Variants in DNAH8 observed in about 807,000 individuals in gnomAD.
The protein encoded by DNAH8 is dynein axonemal heavy chain 8, also known as axonemal beta dynein heavy chain 8.
A neutral mutation model predicts 562.1 loss-of-function variants in DNAH8; 382 were observed. That is an observed-to-expected ratio of 0.68 (90% CI 0.63 to 0.74). DNAH8 has a LOEUF of 0.74. DNAH8 is among the 30% of genes least tolerant of loss of function. The probability of loss-of-function intolerance (pLI) is 0.00; values close to 1 mark genes in which losing one functional copy is unlikely to be tolerated. For synonymous variants in DNAH8, 1,881 were observed against 1,919.4 expected, an observed-to-expected ratio of 0.98 and a Z score of 0.52; for missense variants, 5,203 against 5,620.4, an observed-to-expected ratio of 0.93 and a Z score of 2.37.
intron 66 of DNAH8, among the ~76,000 whole-genome samples, chr6:38,912,976 G>A (rs1231348439): frequency 6.6e-6 from 1 of 151,998 alleles, no homozygotes; most frequent in Non-Finnish European, 1.5e-5. Context: ...TGCCCAGCTT[G>A]TTTTGTATTT....
At position 38,938,101 on chromosome 6, in the gene DNAH8, GT is replaced by G; in HGVS notation, c.11693del (p.Phe3898SerfsTer18). 6.2e-7 allele frequency: 1 copy of G among 1,614,020 alleles called. No homozygotes were observed. Among genetic ancestry groups the G allele is most frequent in the Non-Finnish European group, 8.5e-7 (1 of 1,180,006 alleles). On this transcript the variant is annotated frameshift_variant, in exon 78 of 93. Coordinates refer to ENST00000327475, the MANE Select transcript of DNAH8 (RefSeq NM_001206927.2). LOFTEE classifies it high-confidence loss of function. Reference sequence around the variant, plus strand: ...TCAAGATCAACGCGGCTCAGGAGGAGTTCCGGCCCGCAGCCACCCGCGGAAG... The same window carrying G: ...TCAAGATCAACGCGGCTCAGGAGGAGTCCGGCCCGCAGCCACCCGCGGAAG... The part of the protein sequence containing the change: ...EIKINAAQEE[F>X]RPAATRGSIL...
At chr6:38,805,068 A>G (rs550835368) in intron 22 of DNAH8, among the ~76,000 whole-genome samples, 7 of 152,296 alleles carry the variant, frequency 4.6e-5, no homozygotes, top group Admixed American at 3.3e-4. Flanking sequence ...TCAGCCTAGA[A>G]TGAGTATGCA....
chr6:38,874,054 CTTTCTTTCTTTCTT>C (rs1242373441), intron 52 of DNAH8, among the ~76,000 whole-genome samples: 3,616 of 33,692 alleles, frequency 0.11, 975 homozygotes, highest in South Asian at 0.13. Flanking sequence ...TTCTTTCTTT[CTTTCTTTCTTTCTT>C]TTTCTTTCTT....
chr6:38,909,785 G>A, intron 65 of DNAH8, 41 bp downstream of exon 65: 12 of 1,494,816 alleles, frequency 8.0e-6, no homozygotes, highest in South Asian at 1.1e-5. Flanking sequence ...TGGAACCACA[G>A]CATGTATTCC....
At chr6:38,842,551 C>G in intron 34 of DNAH8, 46 bp downstream of exon 34, 1 of 1,592,148 alleles carries the variant, frequency 6.3e-7, no homozygotes, top group South Asian at 1.2e-5. Context: ...TCTTAGGATC[C>G]TATAGGTATT....
Position 38,790,193 on chromosome 6 carries a change from A to T in DNAH8, c.2665-96A>T, listed in dbSNP as rs1009323963. ...AATAGAGGGAAAATACATGTAAGAA[A>T]ATATAACATATAATATTTGTAGGTG... On this transcript the variant is annotated intron_variant, in intron 19 of 92. Coordinates refer to ENST00000327475, the MANE Select transcript of DNAH8 (RefSeq NM_001206927.2). 3 of 777,992 alleles carry T rather than the reference A, an allele frequency of 3.9e-6. No individual in the cohort carries two copies. The African/African-American group carries it at 5.3e-5, about 14-fold the overall frequency. The allele number at this position is 777,992 out of a possible 1,614,324, so 48.2% of individuals were successfully genotyped here. A position where few individuals can be genotyped will look rare whatever the true frequency, so the allele number is the denominator to read the frequency against.
intron 52 of DNAH8, among the ~76,000 whole-genome samples, chr6:38,873,995 C>G (rs1417676042): frequency 3.3e-5 from 5 of 150,754 alleles, no homozygotes; most frequent in African/African-American, 1.2e-4. Context: ...ATTGTTTTTT[C>G]CCTTTCTTCC....
chr6:38,862,264 G>C lies in DNAH8; in HGVS notation c.6132-16G>C. 1 of 1,606,482 alleles carries C rather than the reference G, an allele frequency of 6.2e-7. No homozygotes were observed. The highest frequency in any genetic ancestry group is 8.5e-7 in the Non-Finnish European group (1 of 1,176,488). On this transcript the variant is annotated splice_polypyrimidine_tract_variant and intron_variant, in intron 43 of 92. Coordinates refer to ENST00000327475, the MANE Select transcript of DNAH8 (RefSeq NM_001206927.2). ...CATCCCATACTCACAATGCTTTATT[G>C]GATGAACATTTGCAGATGCTATATC...
chr6:38,933,460 G>A (rs6458087), intron 76 of DNAH8, among the ~76,000 whole-genome samples: 106,281 of 152,084 alleles, frequency 0.7, 37,744 homozygotes, highest in East Asian at 0.83. Flanking sequence ...GTCTCGGTCT[G>A]TAACAGCACA....
At chr6:38,868,688 T>C (rs1777248528) in intron 48 of DNAH8, among the ~76,000 whole-genome samples, 1 of 151,854 alleles carries the variant, frequency 6.6e-6, no homozygotes, top group East Asian at 1.9e-4. Flanking sequence ...TTTTTTTTTT[T>C]CTTTGAAACA....
intron 36 of DNAH8, among the ~76,000 whole-genome samples, chr6:38,848,031 C>G (rs1199597905): frequency 2.0e-5 from 3 of 152,076 alleles, no homozygotes. Context: ...GAAGAGCACA[C>G]CTGTAAGTGA....
chr6:38,725,917 G>T (rs567930329), intron 3 of DNAH8, among the ~76,000 whole-genome samples: 1 of 152,330 alleles, frequency 6.6e-6, no homozygotes, highest in East Asian at 1.9e-4. Flanking sequence ...GGGTTTGTTT[G>T]TTTAATGGTT....
chr6:38,907,162 C>A (rs1780541669), intron 63 of DNAH8, among the ~76,000 whole-genome samples: 2 of 152,328 alleles, frequency 1.3e-5, no homozygotes, highest in Non-Finnish European at 2.9e-5. Flanking sequence ...GAAAAAGACT[C>A]ATCTTGTGGA....
chr6:39,001,075 T>A (rs765130608), intron 88 of DNAH8, among the ~76,000 whole-genome samples: 7 of 152,186 alleles, frequency 4.6e-5, no homozygotes, highest in South Asian at 4.1e-4. Context: ...AGGTCCAGTA[T>A]GCCTAAAGCA....
chr6:38,766,432 A>T (rs930102038), intron 11 of DNAH8, among the ~76,000 whole-genome samples: 8 of 152,176 alleles, frequency 5.3e-5, no homozygotes, highest in Non-Finnish European at 1.0e-4. Flanking sequence ...GTTATGCAGG[A>T]TGAATAAATT....
rs754740893 is a variant in DNAH8 at position 38,862,338 on chromosome 6, C to T, written c.6190C>T (p.Pro2064Ser). The change falls in exon 44 of 93, where the codon CCT (proline) becomes TCT (serine). Residue 2064 changes from proline (P) to serine (S), a missense_variant. Around this residue, in one of 6 missense-constraint regions of DNAH8, gnomAD observed 2,176 missense variants for 2,365.1 expected, o/e 0.92. Coordinates refer to ENST00000327475, the MANE Select transcript of DNAH8 (RefSeq NM_001206927.2). ...GMNMGGAPAG[P>S]AGTGKTETTK... is the part of the protein sequence containing the mutation. ...GAACATGGGAGGTGCTCCCGCAGGA[C>T]CTGCTGGCACTGGCAAAACAGAAAC... is the stretch of plus-strand genomic sequence containing the variant. The T allele has an allele frequency of 1.2e-6, 2 of 1,614,152 alleles. No individual in the cohort carries two copies. Among genetic ancestry groups the T allele is most frequent in the Admixed American group, 1.7e-5 (1 of 60,020 alleles).
intron 21 of DNAH8, 115 bp downstream of exon 21, chr6:38,791,789 T>G: frequency 9.0e-7 from 1 of 1,113,104 alleles, no homozygotes; most frequent in African/African-American, 1.6e-5. Flanking sequence ...CTTTTTTTTT[T>G]TGTTTTTTGT....
At chr6:38,983,821 G>A (rs564689736) in intron 86 of DNAH8, among the ~76,000 whole-genome samples, 9 of 152,254 alleles carry the variant, frequency 5.9e-5, no homozygotes, top group East Asian at 1.9e-4. Context: ...CTAAGAAAGC[G>A]TATTAAAGCA....
chr6:38,790,433 C>A, intron 20 of DNAH8, 28 bp downstream of exon 20: 2 of 1,071,920 alleles, frequency 1.9e-6, no homozygotes, highest in South Asian at 2.7e-5. Context: ...AAAAAGCTAT[C>A]AACATATATA....
Sources: gnomAD v4.1 joint callset for allele counts (sites outside exome capture counted in the v4.1 genomes callset) on GRCh38, gnomAD v4.1.1 for gene constraint, gnomAD v4.1.1 regional missense constraint, MANE v1.5 for transcripts, NCBI Gene and HGNC (gene_info 2026-07-23, HGNC 2026-07-21) for gene names.